The following HTR1F variants were observed in gnomAD, a reference collection of about 807,000 sequenced individuals.
HTR1F encodes the protein 5-hydroxytryptamine receptor 1F, also known as 5-hydroxytryptamine (serotonin) receptor 1F, G protein-coupled.
A neutral mutation model predicts 24.0 loss-of-function variants in HTR1F; 17 were observed. That is an observed-to-expected ratio of 0.71 (90% CI 0.48 to 1.06). HTR1F has a LOEUF of 1.06. Among genes scored for constraint, HTR1F ranks in the 50% least tolerant of loss-of-function variants. The pLI, the probability that HTR1F is intolerant of heterozygous loss-of-function variation, is 0.00. For missense variants in HTR1F, 391 were observed against 427.8 expected (o/e 0.91, Z 0.76); for synonymous variants, 186 against 156.8 (o/e 1.19, Z -1.39).
chr3:87,796,721 C>A (rs1703912591), intron 1 of HTR1F, among the ~76,000 whole-genome samples: 1 of 152,008 alleles, frequency 6.6e-6, no homozygotes, highest in Non-Finnish European at 1.5e-5. Flanking sequence ...TGCTAAAGTA[C>A]AAAATTATGT....
chr3:87,912,410 G>T (rs1328556315), intron 2 of HTR1F, among the ~76,000 whole-genome samples: 2 of 151,930 alleles, frequency 1.3e-5, no homozygotes, highest in Non-Finnish European at 2.9e-5. Flanking sequence ...ACTGCTCAAA[G>T]AAATCAGAGA....
At chr3:87,955,258 A>C (rs2107469210) in intron 2 of HTR1F, among the ~76,000 whole-genome samples, 1 of 151,328 alleles carries the variant, frequency 6.6e-6, no homozygotes, top group Non-Finnish European at 1.5e-5. Flanking sequence ...GCTTTTTCGC[A>C]CCTATATTAG....
At chr3:87,830,832 A>G (rs1704558706) in intron 2 of HTR1F, among the ~76,000 whole-genome samples, 1 of 152,246 alleles carries the variant, frequency 6.6e-6, no homozygotes, top group East Asian at 1.9e-4. Context: ...AAAGTCAAAT[A>G]AAGAAGTTCC....
chr3:87,813,067 A>G (rs983933685), intron 1 of HTR1F, among the ~76,000 whole-genome samples: 6 of 152,224 alleles, frequency 3.9e-5, no homozygotes, highest in Admixed American at 3.9e-4. Context: ...CAGAGCCCCC[A>G]CACAGAGTCC....
intron 2 of HTR1F, among the ~76,000 whole-genome samples, chr3:87,845,349 A>T: frequency 6.6e-6 from 1 of 151,464 alleles, no homozygotes; most frequent in Non-Finnish European, 1.5e-5. Context: ...GTCTCAGCCC[A>T]AAATCTCCTT....
At chr3:87,853,119 T>C (rs1008624590) in intron 2 of HTR1F, among the ~76,000 whole-genome samples, 1 of 150,294 alleles carries the variant, frequency 6.7e-6, no homozygotes, top group African/African-American at 2.5e-5. Context: ...TTGTTTGTTA[T>C]AAACTCATGT....
At chr3:87,953,304 TG>T (rs1704873997) in intron 2 of HTR1F, among the ~76,000 whole-genome samples, 1 of 151,466 alleles carries the variant, frequency 6.6e-6, no homozygotes, top group Non-Finnish European at 1.5e-5. Flanking sequence ...AAACTATTTA[TG>T]TGACAAGAGA....
At chr3:87,937,132 A>T (rs1228396029) in intron 2 of HTR1F, among the ~76,000 whole-genome samples, 1 of 151,270 alleles carries the variant, frequency 6.6e-6, no homozygotes, top group African/African-American at 2.4e-5. Context: ...TCATTCTATG[A>T]GGCCAGCATC....
chr3:87,908,900 T>A (rs1164791508), intron 2 of HTR1F, among the ~76,000 whole-genome samples: 1 of 152,106 alleles, frequency 6.6e-6, no homozygotes, highest in Admixed American at 6.6e-5. Context: ...AGGAAAACCT[T>A]TCTTAATAAA....
chr3:87,916,814 A>G (rs1703905872), intron 2 of HTR1F, among the ~76,000 whole-genome samples: 1 of 152,140 alleles, frequency 6.6e-6, no homozygotes, highest in Admixed American at 6.6e-5. Context: ...ATCAAGACAG[A>G]AAGTCAACAA....
chr3:87,852,238 A>G (rs1277488087), intron 2 of HTR1F, among the ~76,000 whole-genome samples: 1 of 151,628 alleles, frequency 6.6e-6, no homozygotes, highest in Non-Finnish European at 1.5e-5. Flanking sequence ...CAATTTGTTA[A>G]CTATTTTTTA....
intron 2 of HTR1F, among the ~76,000 whole-genome samples, chr3:87,928,090 G>A (rs1156742092): frequency 1.3e-5 from 2 of 149,056 alleles, no homozygotes; most frequent in South Asian, 4.2e-4. Flanking sequence ...CTGTCACCCA[G>A]GCTGGAGTGC....
chr3:87,845,349 A>C (rs1316619039), intron 2 of HTR1F, among the ~76,000 whole-genome samples: 5 of 151,346 alleles, frequency 3.3e-5, no homozygotes, highest in Non-Finnish European at 5.9e-5. Context: ...GTCTCAGCCC[A>C]AAATCTCCTT....
intron 2 of HTR1F, among the ~76,000 whole-genome samples, chr3:87,970,555 C>T (rs1184781505): frequency 6.6e-6 from 1 of 152,166 alleles, no homozygotes; most frequent in Non-Finnish European, 1.5e-5. Context: ...CAAGAGGGCT[C>T]CCTTCAGAGC....
intron 2 of HTR1F, among the ~76,000 whole-genome samples, chr3:87,948,472 A>G (rs1704761112): frequency 6.6e-6 from 1 of 151,992 alleles, no homozygotes. Context: ...TGGCAGCTAG[A>G]ATTCTTTTTT....
chr3:87,900,360 T>A (rs537835268), intron 2 of HTR1F, among the ~76,000 whole-genome samples: 1 of 152,192 alleles, frequency 6.6e-6, no homozygotes, highest in African/African-American at 2.4e-5. Context: ...AGGAGGCCCA[T>A]GTAGCTGGAG....
At chr3:87,855,574 A>C (rs576675884) in intron 2 of HTR1F, among the ~76,000 whole-genome samples, 2 of 152,108 alleles carry the variant, frequency 1.3e-5, no homozygotes, top group South Asian at 4.2e-4. Context: ...TTAGGGGGCC[A>C]CATTTTTAGA....
chr3:87,907,277 A>G (rs984856873), intron 2 of HTR1F, among the ~76,000 whole-genome samples: 27 of 151,824 alleles, frequency 1.8e-4, no homozygotes, highest in Admixed American at 4.6e-4. Flanking sequence ...TTCCCTGATA[A>G]TTAGTGATGT....
At chr3:87,839,915 T>C (rs1704764109) in intron 2 of HTR1F, among the ~76,000 whole-genome samples, 2 of 152,200 alleles carry the variant, frequency 1.3e-5, no homozygotes, top group Admixed American at 1.3e-4. Context: ...GCTGCATCCA[T>C]GTTGCTGCAA....
Sources: gnomAD v4.1 joint callset for allele counts (sites outside exome capture counted in the v4.1 genomes callset) on GRCh38, gnomAD v4.1.1 for gene constraint, MANE v1.5 for transcripts, NCBI Gene and HGNC (gene_info 2026-07-23, HGNC 2026-07-21) for gene names.